Variants in PRR5L observed in about 807,000 individuals in gnomAD.
PRR5L encodes proline-rich protein 5-like.
In PRR5L, 21 loss-of-function variants were observed where a neutral mutation model predicts 36.4. The ratio of observed to expected loss-of-function variants is 0.58; its 90% CI spans 0.41 to 0.83. The LOEUF is 0.83. Among genes scored for constraint, PRR5L ranks in the 40% least tolerant of loss-of-function variants. The probability of loss-of-function intolerance (pLI) is 0.00; values close to 1 mark genes in which losing one functional copy is unlikely to be tolerated. For synonymous variants in PRR5L, 188 were observed against 197.0 expected (o/e 0.95, Z 0.38); for missense variants, 381 against 473.3 (o/e 0.80, Z 1.81).
intron 6 of PRR5L, among the ~76,000 whole-genome samples, chr11:36,438,597 A>G (rs544964797): frequency 1.7e-4 from 25 of 149,318 alleles, no homozygotes; most frequent in African/African-American, 5.6e-4. Flanking sequence ...GTAGTCACTC[A>G]TCAGCCATCA....
At chr11:36,316,231 C>T (rs904959715) in intron 1 of PRR5L, among the ~76,000 whole-genome samples, 4 of 152,182 alleles carry the variant, frequency 2.6e-5, no homozygotes, top group African/African-American at 9.7e-5. Flanking sequence ...ACGGGTCTGG[C>T]TGTGTTCCAA....
intron 8 of PRR5L, chr11:36,454,252 T>C (rs1859002981): frequency 6.6e-6 from 1 of 152,196 alleles, no homozygotes; most frequent in African/African-American, 2.4e-5. Flanking sequence ...AGGTGTTCCT[T>C]AGCCCAAGAG....
chr11:36,347,298 C>T (rs960128172), intron 1 of PRR5L, among the ~76,000 whole-genome samples: 1 of 152,124 alleles, frequency 6.6e-6, no homozygotes, highest in Non-Finnish European at 1.5e-5. Flanking sequence ...ATAGAAATGA[C>T]TTTGCCTATG....
intron 2 of PRR5L, 127 bp downstream of exon 2, chr11:36,401,412 G>A (rs1323457103): frequency 1.1e-5 from 10 of 909,154 alleles, no homozygotes; most frequent in African/African-American, 3.3e-5. Context: ...AAATAATGAC[G>A]AGAGCAAATT....
Position 36,446,434 on chromosome 11 carries a change from C to T in PRR5L, c.579C>T (p.Ile193=). 6.2e-7 allele frequency: 1 copy of T among 1,614,082 alleles called. No individual in the cohort carries two copies. Among genetic ancestry groups the T allele is most frequent in the South Asian group, 1.1e-5 (1 of 91,078 alleles). ...LPSSIVQMLL[I]LQSVHEPTGP... is the part of the protein sequence containing the mutation. ...CGTCCATTGTCCAGATGTTGCTCAT[C>T]CTGCAGGTGAGGCTGTGCTGGAGAC... The change falls in exon 7 of 9, where the codon ATC becomes ATT. Residue 193 remains isoleucine, a synonymous_variant. Coordinates refer to ENST00000530639, the MANE Select transcript of PRR5L (RefSeq NM_001160167.2).
chr11:36,450,693 C>T (rs1858925565), intron 7 of PRR5L, among the ~76,000 whole-genome samples: 1 of 152,196 alleles, frequency 6.6e-6, no homozygotes, highest in African/African-American at 2.4e-5. Flanking sequence ...GGATCAGAGC[C>T]AGATAGCCTG....
At chr11:36,345,125 C>T (rs1263740025) in intron 1 of PRR5L, among the ~76,000 whole-genome samples, 1 of 151,890 alleles carries the variant, frequency 6.6e-6, no homozygotes, top group African/African-American at 2.4e-5. Context: ...CGGTGTTGGC[C>T]CGTGGGACTG....
At chr11:36,341,243 T>G (rs577985490) in intron 1 of PRR5L, among the ~76,000 whole-genome samples, 33 of 152,280 alleles carry the variant, frequency 2.2e-4, no homozygotes, top group African/African-American at 6.5e-4. Context: ...GCAGGGTTAC[T>G]TGCCTGGCAG....
intron 1 of PRR5L, among the ~76,000 whole-genome samples, chr11:36,352,815 A>G (rs144005880): frequency 7.5e-4 from 114 of 152,256 alleles, no homozygotes; most frequent in African/African-American, 2.6e-3. Context: ...CCTCAGCACT[A>G]TTGACTTTTG....
At chr11:36,403,991 G>C (rs1473992256) in intron 3 of PRR5L, among the ~76,000 whole-genome samples, 4 of 152,214 alleles carry the variant, frequency 2.6e-5, no homozygotes, top group Non-Finnish European at 5.9e-5. Flanking sequence ...TTTTGTCAAG[G>C]AGGCCAGGAA....
At position 36,401,059 on chromosome 11, in the gene PRR5L, C is replaced by T. The variant is rs777491542; in HGVS notation, c.-63C>T. The T allele has an allele frequency of 1.3e-6, 2 of 1,581,256 alleles. No homozygotes were observed. Among genetic ancestry groups the T allele is most frequent in the Non-Finnish European group, 1.7e-6 (2 of 1,160,826 alleles). On this transcript the variant is annotated 5_prime_UTR_variant, in exon 2 of 9. Coordinates refer to ENST00000530639, the MANE Select transcript of PRR5L (RefSeq NM_001160167.2). ...GCCTGAAGGCAGCCCCTGGAGAAGC[C>T]CTTTCCGAGGGCATTCGGAACCTTC...
At chr11:36,337,272 T>C (rs1414738960) in intron 1 of PRR5L, among the ~76,000 whole-genome samples, 1 of 152,100 alleles carries the variant, frequency 6.6e-6, no homozygotes, top group Non-Finnish European at 1.5e-5. Flanking sequence ...CTGAATGGGA[T>C]TAGTGCTCCT....
intron 3 of PRR5L, among the ~76,000 whole-genome samples, chr11:36,417,559 T>TA (rs1858172546): frequency 6.6e-6 from 1 of 152,184 alleles, no homozygotes; most frequent in South Asian, 2.1e-4. Context: ...AGACTGCCTT[T>TA]AAATTGGCCC....
chr11:36,312,489 C>T (rs1429617141), intron 1 of PRR5L, among the ~76,000 whole-genome samples: 1 of 152,226 alleles, frequency 6.6e-6, no homozygotes, highest in African/African-American at 2.4e-5. Flanking sequence ...CTGCTAAGGG[C>T]TGAGCCAGCC....
chr11:36,451,179 C>CTT lies in PRR5L; in HGVS notation c.586-28_586-27dup, dbSNP rs772445332. 18 of 1,612,684 alleles carry CTT rather than the reference C, an allele frequency of 1.1e-5. No individual in the cohort carries two copies. In the South Asian group the frequency reaches 1.9e-4, roughly 17 times the overall value. On this transcript the variant is annotated intron_variant, in intron 7 of 8. Transcript: ENST00000530639. ...GCTGGTCATGGCAATGAACACTGAC[C>CTT]TTTGTGTATCTTGGCTGTTCATTTT...
In PRR5L at chr11:36,377,543, C is replaced by G. The variant is rs1237051205; in HGVS notation, c.-125-23454C>G. 2 of 152,378 alleles carry G rather than the reference C, an allele frequency of 1.3e-5. No individual in the cohort carries two copies. The highest frequency in any genetic ancestry group is 2.9e-5 in the Non-Finnish European group (2 of 68,198). The allele number at this position is 152,378 out of a possible 1,614,324, so 9.4% of individuals were successfully genotyped here. On this transcript the variant is annotated intron_variant, in intron 1 of 8. Coordinates refer to ENST00000530639, the MANE Select transcript of PRR5L (RefSeq NM_001160167.2). The surrounding 1 kb of genome is among the most constrained non-coding windows in gnomAD (Gnocchi z 5.1). Reference sequence around the variant, plus strand: ...GCCCATTTTCCTTGAGGCCGCCGCCCGGGGTGGGACCAGGCTGTGTGCTTG... The same window carrying G: ...GCCCATTTTCCTTGAGGCCGCCGCCGGGGGTGGGACCAGGCTGTGTGCTTG...
At chr11:36,382,193 A>G (rs1857381824) in intron 1 of PRR5L, among the ~76,000 whole-genome samples, 1 of 152,176 alleles carries the variant, frequency 6.6e-6, no homozygotes. Context: ...GGTTGGTATC[A>G]ACTTTTCAGA....
Position 36,400,854 on chromosome 11 carries a change from A to C in PRR5L, c.-125-143A>C, listed in dbSNP as rs915117028. ...AAAAGAGCCCTGTGCAAACTTGTGAATGGGAACCTGCCAGGGAATAGATGC... is the reference window on the plus strand; with the variant it reads ...AAAAGAGCCCTGTGCAAACTTGTGACTGGGAACCTGCCAGGGAATAGATGC... On this transcript the variant is annotated intron_variant, in intron 1 of 8. Coordinates refer to ENST00000530639, the MANE Select transcript of PRR5L (RefSeq NM_001160167.2). The C allele has an allele frequency of 5.7e-6, 3 of 526,434 alleles. 1 individual carries two copies. In the African/African-American group the frequency reaches 5.8e-5, roughly 10 times the overall value. The allele number at this position is 526,434 out of a possible 1,614,324, so 32.6% of individuals were successfully genotyped here.
Position 36,383,216 on chromosome 11 carries a change from G to A in PRR5L, c.-125-17781G>A, listed in dbSNP as rs568238029. Among the ~76,000 whole-genome samples, 6 of 152,346 alleles carry A rather than the reference G, an allele frequency of 3.9e-5. No individual in the cohort carries two copies. The South Asian group carries it at 1.2e-3, about 32-fold the overall frequency. ...TGCTGTGCAGATGTTAGTGGCAAAT[G>A]TTATACCACAGGCCTCTGGAGTTTA... is the stretch of plus-strand genomic sequence containing the variant. On this transcript the variant is annotated intron_variant, in intron 1 of 8. Coordinates refer to ENST00000530639, the MANE Select transcript of PRR5L (RefSeq NM_001160167.2).
Sources: allele counts gnomAD v4.1 joint callset (sites outside exome capture counted in the v4.1 genomes callset), GRCh38; gene constraint gnomAD v4.1.1; non-coding constraint Gnocchi (gnomAD v3.1); transcripts MANE v1.5; gene names NCBI Gene and HGNC (gene_info 2026-07-23, HGNC 2026-07-21).